Variants in GRID2 observed in about 807,000 individuals in gnomAD.
GRID2 encodes the protein glutamate ionotropic receptor delta type subunit 2.
A neutral mutation model predicts 114.8 loss-of-function variants in GRID2; 33 were observed. The ratio of observed to expected loss-of-function variants is 0.29; its 90% confidence interval spans 0.22 to 0.38. GRID2 has a LOEUF of 0.38. Ranked by LOEUF, GRID2 falls within the 10% of genes least tolerant of loss-of-function variation. The probability of loss-of-function intolerance (pLI) is 1.00; values close to 1 mark genes in which losing one functional copy is unlikely to be tolerated. For missense variants in GRID2, 1,184 were observed against 1,257.7 expected (o/e 0.94, Z 0.89); for synonymous variants, 505 against 449.9 (o/e 1.12, Z -1.55).
chr4:92,941,389 G>A (rs921481930), intron 2 of GRID2, among the ~76,000 whole-genome samples: 3 of 152,118 alleles, frequency 2.0e-5, no homozygotes, highest in African/African-American at 7.2e-5. Context: ...ATGGTAGTCT[G>A]TATTTCTTTG....
Position 92,919,882 on chromosome 4 carries a change from G to C in GRID2, c.245-165113G>C, listed in dbSNP as rs143509130. Among the ~76,000 whole-genome samples the C allele has an allele frequency of 4.7e-3, 709 of 152,288 alleles. 6 individuals carry two copies. Among genetic ancestry groups the C allele is most frequent in the African/African-American group, 0.016 (667 of 41,574 alleles). The stretch of plus-strand genomic sequence containing the variant: ...GTGTATTAGGTCCGCTTGGTGCAGA[G>C]CTGAGTTCAATTCGATGTCCTTGTT... On this transcript the variant is annotated intron_variant, in intron 2 of 15. Transcript: ENST00000282020.
rs532531887 is a variant in GRID2, at chr4:93,104,255, A to G, written c.530-6493A>G. 2.0e-5 allele frequency among the ~76,000 whole-genome samples: 3 copies of G among 152,302 alleles called. No individual in the cohort carries two copies. In the East Asian group the frequency reaches 5.8e-4, roughly 29 times the overall value. The stretch of plus-strand genomic sequence containing the variant: ...TGTTAGTTTCTATTGCTGGTGTATC[A>G]AATTACCACAAATTTAGAGGCTTAA... On this transcript the variant is annotated intron_variant, in intron 3 of 15. Coordinates refer to ENST00000282020, the MANE Select transcript of GRID2 (RefSeq NM_001510.4).
chr4:93,109,032 A>G (rs1276380277), intron 3 of GRID2, among the ~76,000 whole-genome samples: 1 of 152,160 alleles, frequency 6.6e-6, no homozygotes, highest in Admixed American at 6.5e-5. Context: ...AAGTTTAAGA[A>G]CATCTGCTTA....
chr4:93,769,206 C>T lies in GRID2; in HGVS notation c.2361-4C>T. 6.2e-7 allele frequency: 1 copy of T among 1,613,768 alleles called. No homozygotes were observed. Among genetic ancestry groups the T allele is most frequent in the South Asian group, 1.1e-5 (1 of 91,048 alleles). On this transcript the variant is annotated splice_polypyrimidine_tract_variant and splice_region_variant and intron_variant, in intron 14 of 15. Transcript: ENST00000282020. ...TAACACATGCTTATGTTCTTTATCCCAAGGATCCTGGAGCTTCAGCAGAAT... is the reference window on the plus strand; with the variant it reads ...TAACACATGCTTATGTTCTTTATCCTAAGGATCCTGGAGCTTCAGCAGAAT...
chr4:93,409,570 TAGAA>T (rs1320007628), intron 9 of GRID2, among the ~76,000 whole-genome samples: 5 of 152,036 alleles, frequency 3.3e-5, no homozygotes, highest in Admixed American at 6.6e-5. Context: ...TTAGGTATAG[TAGAA>T]AGAGAGAAAG....
intron 4 of GRID2, among the ~76,000 whole-genome samples, chr4:93,175,685 T>G (rs1235892461): frequency 6.6e-6 from 1 of 152,250 alleles, no homozygotes; most frequent in Non-Finnish European, 1.5e-5. Context: ...AAAATTTAGA[T>G]GTTTTTAGAC....
chr4:92,711,035 G>T (rs1444508438), intron 2 of GRID2, among the ~76,000 whole-genome samples: 1 of 151,566 alleles, frequency 6.6e-6, no homozygotes, highest in Non-Finnish European at 1.5e-5. Flanking sequence ...TTCCCTGGAG[G>T]TTAAAAAATC....
chr4:93,098,110 G>T (rs1731383912), intron 3 of GRID2, among the ~76,000 whole-genome samples: 2 of 152,060 alleles, frequency 1.3e-5, no homozygotes, highest in South Asian at 4.1e-4. Context: ...GCCACGTGTT[G>T]TCTTGTTGCT....
intron 1 of GRID2, among the ~76,000 whole-genome samples, chr4:92,483,734 A>G (rs1188273997): frequency 6.6e-6 from 1 of 152,174 alleles, no homozygotes; most frequent in African/African-American, 2.4e-5. Flanking sequence ...TGAAAGTCAT[A>G]TTTAGAAGTC....
chr4:93,403,987 C>G (rs906359273), intron 9 of GRID2, among the ~76,000 whole-genome samples: 1 of 152,036 alleles, frequency 6.6e-6, no homozygotes, highest in African/African-American at 2.4e-5. Flanking sequence ...GGTCTATCAA[C>G]TGGTGAATGG....
chr4:92,351,737 C>G (rs58843299), intron 1 of GRID2, among the ~76,000 whole-genome samples: 1 of 151,798 alleles, frequency 6.6e-6, no homozygotes, highest in South Asian at 2.1e-4. Flanking sequence ...TTGGCCTCCA[C>G]ATATGAGTAA....
intron 3 of GRID2, among the ~76,000 whole-genome samples, chr4:93,093,220 A>T (rs1053328663): frequency 1.3e-5 from 2 of 152,172 alleles, no homozygotes; most frequent in Admixed American, 1.3e-4. Flanking sequence ...ATGTCAGGTC[A>T]TTCATAGATC....
intron 2 of GRID2, among the ~76,000 whole-genome samples, chr4:92,816,341 A>AT (rs1740913709): frequency 6.6e-6 from 1 of 150,528 alleles, no homozygotes; most frequent in Non-Finnish European, 1.5e-5. Context: ...AAAAAAAAAA[A>AT]GTACATTTTA....
chr4:93,209,143 A>G (rs1377284036), intron 5 of GRID2, among the ~76,000 whole-genome samples: 3 of 151,878 alleles, frequency 2.0e-5, no homozygotes, highest in Admixed American at 2.0e-4. Context: ...GCAAGTTTGT[A>G]TGTAGGTAAA....
chr4:93,378,881 T>C (rs772466439), intron 8 of GRID2, among the ~76,000 whole-genome samples: 2 of 152,068 alleles, frequency 1.3e-5, no homozygotes, highest in Non-Finnish European at 1.5e-5. Flanking sequence ...CTGAAAATTA[T>C]TTTTTTGGTT....
chr4:93,025,747 G>T (rs1723826364), intron 2 of GRID2, among the ~76,000 whole-genome samples: 1 of 151,660 alleles, frequency 6.6e-6, no homozygotes, highest in Admixed American at 6.6e-5. Context: ...TTGGTAACTG[G>T]CTCTAACATA....
At position 92,408,431 on chromosome 4, in the gene GRID2, C is replaced by CTTTTTTTT. The variant is rs35638036; in HGVS notation, c.88+103712_88+103719dup. Among the ~76,000 whole-genome samples, 20 of 19,422 alleles carry CTTTTTTTT rather than the reference C, an allele frequency of 1.0e-3. 3 individuals are homozygous for CTTTTTTTT. The highest frequency in any genetic ancestry group is 2.3e-3 in the East Asian group (1 of 430). The allele number at this position is 19,422 out of a possible 152,430, so 12.7% of individuals were successfully genotyped here. Reference sequence around the variant, plus strand: ...TACAATTATATTGCCTATTCAAGCTCTTTTTTTTTTTTTTTTTTTTTTTTT... The same window carrying CTTTTTTTT: ...TACAATTATATTGCCTATTCAAGCTCTTTTTTTTTTTTTTTTTTTTTTTTTTTTTTTTT... On this transcript the variant is annotated intron_variant, in intron 1 of 15. Transcript: ENST00000282020.
intron 4 of GRID2, among the ~76,000 whole-genome samples, chr4:93,125,847 G>A (rs1480766974): frequency 6.6e-6 from 1 of 152,162 alleles, no homozygotes; most frequent in Non-Finnish European, 1.5e-5. Flanking sequence ...TTACATATAG[G>A]ATTGATATCC....
intron 1 of GRID2, among the ~76,000 whole-genome samples, chr4:92,528,313 G>A (rs1017790286): frequency 6.7e-6 from 1 of 148,158 alleles, no homozygotes; most frequent in Non-Finnish European, 1.5e-5. Context: ...ATATATATAT[G>A]TATTCAAAGA....
Sources: allele counts gnomAD v4.1 joint callset (sites outside exome capture counted in the v4.1 genomes callset), GRCh38; gene constraint gnomAD v4.1.1; transcripts MANE v1.5; gene names NCBI Gene and HGNC (gene_info 2026-07-23, HGNC 2026-07-21).